SRGAP3: variants seen among roughly 807,000 people sequenced by gnomAD.
The protein encoded by SRGAP3 is SLIT-ROBO Rho GTPase activating protein 3.
Under a neutral mutation model 121.1 loss-of-function variants are expected in SRGAP3, and 39 were observed. The observed-to-expected ratio is 0.32, with a 90% confidence interval of 0.25 to 0.42. The LOEUF (loss-of-function observed/expected upper bound fraction) is 0.42. SRGAP3 is among the 10% of genes least tolerant of loss of function. The pLI is 1.00. For missense variants in SRGAP3, 1,213 were observed against 1,470.6 expected (o/e 0.82, Z 2.86); for synonymous variants, 601 against 570.0 (o/e 1.05, Z -0.77).
chr3:9,277,187 T>C (rs1373993489), intron 3 of SRGAP3, among the ~76,000 whole-genome samples: 1 of 152,268 alleles, frequency 6.6e-6, no homozygotes, highest in African/African-American at 2.4e-5. Flanking sequence ...TGTCTTCATT[T>C]AATGCTCACA....
At chr3:9,119,240 G>C (rs546241912) in intron 2 of SRGAP3, among the ~76,000 whole-genome samples, 1 of 152,274 alleles carries the variant, frequency 6.6e-6, no homozygotes, top group South Asian at 2.1e-4. Context: ...ATTCCTCTCT[G>C]AGAGGTTTCC....
chr3:8,998,026 C>G (rs1383812026), intron 18 of SRGAP3, among the ~76,000 whole-genome samples: 1 of 152,122 alleles, frequency 6.6e-6, no homozygotes, highest in African/African-American at 2.4e-5. Flanking sequence ...GGACCACAGG[C>G]ACATGCCGCC....
chr3:9,109,195 T>C lies in SRGAP3; in HGVS notation c.261-4353A>G, dbSNP rs974020391. On this transcript the variant is annotated intron_variant, in intron 2 of 21. Transcript: ENST00000383836. The surrounding 1 kb of genome is among the most constrained non-coding windows in gnomAD (Gnocchi z 4.4). ...GCAAGAAGTGAACAGCACCAGGGAA[T>C]TAAATTGTGCAAAATTATGGAAGCC... Among the ~76,000 whole-genome samples the C allele has an allele frequency of 1.3e-5, 2 of 152,116 alleles. No homozygotes were observed. Among genetic ancestry groups the C allele is most frequent in the African/African-American group, 2.4e-5 (1 of 41,404 alleles).
intron 1 of SRGAP3, among the ~76,000 whole-genome samples, chr3:9,353,171 G>A (rs1381606822): frequency 6.6e-6 from 1 of 152,178 alleles, no homozygotes; most frequent in Non-Finnish European, 1.5e-5. Context: ...AGACCTGATG[G>A]CTATCCATGT....
At chr3:9,021,294 A>G (rs1943907898) in intron 14 of SRGAP3, among the ~76,000 whole-genome samples, 1 of 152,246 alleles carries the variant, frequency 6.6e-6, no homozygotes, top group Non-Finnish European at 1.5e-5. Flanking sequence ...CCACATAAGG[A>G]GAGACCTCAG....
chr3:9,027,991 A>G, intron 12 of SRGAP3: 1 of 1,321,010 alleles, frequency 7.6e-7, no homozygotes, highest in Non-Finnish European at 1.1e-6. Flanking sequence ...GGACAGGACA[A>G]GAATATGGAC....
chr3:9,356,783 C>T (rs1227659162), intron 1 of SRGAP3, among the ~76,000 whole-genome samples: 1 of 151,942 alleles, frequency 6.6e-6, no homozygotes, highest in Non-Finnish European at 1.5e-5. Context: ...GCTGGGATTA[C>T]AGCCATGAGC....
In SRGAP3 at chr3:9,335,802, C is replaced by T. The variant is rs1575014128; in HGVS notation, n.215-5206G>A. Among the ~76,000 whole-genome samples, 6 of 152,316 alleles carry T rather than the reference C, an allele frequency of 3.9e-5. No homozygotes were observed. In the South Asian group the frequency reaches 1.2e-3, roughly 32 times the overall value. ...AATATCAATGCCAAGGTACCAGCCACAGAGATTAAGATTTAAATGGTCTGG... is the reference window on the plus strand; with the variant it reads ...AATATCAATGCCAAGGTACCAGCCATAGAGATTAAGATTTAAATGGTCTGG... On this transcript the variant is annotated intron_variant and non_coding_transcript_variant, in intron 1 of 3. Transcript: ENST00000490889.
rs938316192 is a variant in SRGAP3, at chr3:9,239,766, G to A, written c.67+9119C>T. On this transcript the variant is annotated intron_variant, in intron 1 of 21. Transcript: ENST00000383836. The surrounding 1 kb of genome is among the most constrained non-coding windows in gnomAD (Gnocchi z 4.0). ...CTAGGTGAACTCAAAGCACTACATT[G>A]ATATCACTCAGCTCAACTAGATGTG... Among the ~76,000 whole-genome samples, 1 of 152,198 alleles carries A rather than the reference G, an allele frequency of 6.6e-6. No homozygotes were observed. The highest frequency in any genetic ancestry group is 1.5e-5 in the Non-Finnish European group (1 of 68,030).
At chr3:9,244,315 A>G (rs1437355942) in intron 1 of SRGAP3, among the ~76,000 whole-genome samples, 2 of 152,196 alleles carry the variant, frequency 1.3e-5, no homozygotes, top group African/African-American at 4.8e-5. Context: ...TAGATAATCA[A>G]CTTTTGTTGA....
Position 8,993,548 on chromosome 3 carries a change from G to A in SRGAP3, c.2409-493C>T, listed in dbSNP as rs1325651338. Among the ~76,000 whole-genome samples the A allele has an allele frequency of 3.9e-5, 6 of 152,302 alleles. No individual in the cohort carries two copies. In the East Asian group the frequency reaches 5.8e-4, roughly 15 times the overall value. On this transcript the variant is annotated intron_variant, in intron 19 of 21. Transcript: ENST00000383836. Reference sequence around the variant, plus strand: ...CCCAAGCTTGTTGGGGTGCCCTGCCGGCCTCCTTCCACGGCCCTCTGCTGT... The same window carrying A: ...CCCAAGCTTGTTGGGGTGCCCTGCCAGCCTCCTTCCACGGCCCTCTGCTGT...
At chr3:9,294,695 C>CATGT (rs1954922523) in intron 3 of SRGAP3, among the ~76,000 whole-genome samples, 1 of 119,818 alleles carries the variant, frequency 8.3e-6, no homozygotes, top group South Asian at 3.2e-4. Context: ...TTGAAGCTTT[C>CATGT]GTGTGTGTGT....
intron 1 of SRGAP3, among the ~76,000 whole-genome samples, chr3:9,345,173 T>C (rs892144849): frequency 6.6e-6 from 1 of 152,162 alleles, no homozygotes; most frequent in Non-Finnish European, 1.5e-5. Flanking sequence ...ACTCAAAGAC[T>C]GGGAGAACTG....
intron 1 of SRGAP3, among the ~76,000 whole-genome samples, chr3:9,150,929 T>C (rs1336095458): frequency 1.3e-5 from 2 of 152,298 alleles, no homozygotes; most frequent in East Asian, 3.9e-4. Flanking sequence ...CCTTCCAGTC[T>C]AGAAGAAACT....
At chr3:9,005,650 A>C (rs56050402) in intron 18 of SRGAP3, among the ~76,000 whole-genome samples, 9 of 152,238 alleles carry the variant, frequency 5.9e-5, no homozygotes, top group Non-Finnish European at 8.8e-5. Flanking sequence ...AAACTGTGCT[A>C]AGAGAAAGGC....
chr3:9,060,988 T>G (rs985551575), intron 5 of SRGAP3, among the ~76,000 whole-genome samples: 7 of 152,036 alleles, frequency 4.6e-5, no homozygotes, highest in African/African-American at 1.4e-4. Context: ...TCCCAACACT[T>G]TGGGAGGCTG....
At chr3:9,212,686 A>C (rs1437280185) in intron 1 of SRGAP3, among the ~76,000 whole-genome samples, 4 of 152,162 alleles carry the variant, frequency 2.6e-5, no homozygotes, top group African/African-American at 9.7e-5. Flanking sequence ...CTGCACTCCC[A>C]CCTGGTGACA....
intron 1 of SRGAP3, among the ~76,000 whole-genome samples, chr3:9,144,862 C>T (rs1392903482): frequency 6.6e-6 from 1 of 152,234 alleles, no homozygotes; most frequent in Non-Finnish European, 1.5e-5. Context: ...AATTGAGTAA[C>T]TACCCTATGG....
intron 3 of SRGAP3, among the ~76,000 whole-genome samples, chr3:9,265,378 T>C (rs1246231670): frequency 1.3e-5 from 2 of 150,842 alleles, no homozygotes; most frequent in Non-Finnish European, 3.0e-5. Context: ...ACAAATGGGG[T>C]CTAATTAAAC....
Sources: gnomAD v4.1 joint callset for allele counts (sites outside exome capture counted in the v4.1 genomes callset) on GRCh38, gnomAD v4.1.1 for gene constraint, Gnocchi (gnomAD v3.1) non-coding constraint, MANE v1.5 for transcripts, NCBI Gene and HGNC (gene_info 2026-07-23, HGNC 2026-07-21) for gene names.